The following TENM3 variants were observed in gnomAD, a reference collection of about 807,000 sequenced individuals.
TENM3 encodes teneurin transmembrane protein 3.
A neutral mutation model predicts 255.1 loss-of-function variants in TENM3; 63 were observed. The ratio of observed to expected loss-of-function variants is 0.25; its 90% CI spans 0.20 to 0.30. The LOEUF (loss-of-function observed/expected upper bound fraction) is 0.30, where lower values mean the gene tolerates loss of function less well. Ranked by LOEUF, TENM3 falls within the 10% of genes least tolerant of loss-of-function variation. TENM3 has a pLI of 1.00. For missense variants in TENM3, 2,929 were observed against 3,461.1 expected (o/e 0.85, Z 3.86); for synonymous variants, 1,306 against 1,322.3 (o/e 0.99, Z 0.27).
At chr4:182,424,868 G>A (rs1014670954) in intron 3 of TENM3, among the ~76,000 whole-genome samples, 2 of 151,996 alleles carry the variant, frequency 1.3e-5, no homozygotes, top group Non-Finnish European at 2.9e-5. Flanking sequence ...ATTTTTTGCT[G>A]GCATTATGAA....
At chr4:181,719,494 C>T in the TENM3 span, among the ~76,000 whole-genome samples, 1 of 152,172 alleles carries the variant, frequency 6.6e-6, no homozygotes, top group Non-Finnish European at 1.5e-5. Context: ...TGAAGGCTTT[C>T]TTCCTCATAG....
intron 11 of TENM3, 121 bp downstream of exon 11, chr4:182,682,135 G>C: frequency 1.3e-6 from 1 of 773,786 alleles, no homozygotes; most frequent in Non-Finnish European, 2.0e-6. Context: ...GATTCTTTAT[G>C]GAAATAAATA....
Position 182,688,303 on chromosome 4 carries a change from GGCAAGTGTGAATGCAGCCAGGGCTGGA to G in TENM3, c.2174_2200del (p.Gly725_Asn734delinsAsp), listed in dbSNP as rs1339326773. ...TGCCGAGCACGGGACCTGCAAGGAT[GGCAAGTGTGAATGCAGCCAGGGCTGGA>G]ATGGAGAGCACTGCACTATCGGTAG... is the stretch of plus-strand genomic sequence containing the variant. On this transcript the variant is annotated inframe_deletion, in exon 12 of 28. Transcript: ENST00000511685. 5 of 1,613,920 alleles carry G rather than the reference GGCAAGTGTGAATGCAGCCAGGGCTGGA, an allele frequency of 3.1e-6. No individual in the cohort carries two copies. The highest frequency in any genetic ancestry group is 4.2e-6 in the Non-Finnish European group (5 of 1,179,834).
At chr4:182,411,300 T>A (rs1769967778) in intron 3 of TENM3, among the ~76,000 whole-genome samples, 1 of 152,244 alleles carries the variant, frequency 6.6e-6, no homozygotes, top group African/African-American at 2.4e-5. Flanking sequence ...TAAAGGTATT[T>A]CATGGAGAGT....
the TENM3 span, among the ~76,000 whole-genome samples, chr4:181,591,231 T>G: frequency 6.6e-6 from 1 of 152,220 alleles, no homozygotes; most frequent in Non-Finnish European, 1.5e-5. Context: ...TACCAAGTGT[T>G]GGCAAGAATG....
At chr4:181,864,298 A>G in the TENM3 span, among the ~76,000 whole-genome samples, 135,352 of 152,082 alleles carry the variant, frequency 0.89, 60,847 homozygotes, top group Middle Eastern at 0.96. Flanking sequence ...TATACTTTGC[A>G]TTTGAGGGAT....
chr4:182,387,549 A>G (rs1267532298), intron 3 of TENM3, among the ~76,000 whole-genome samples: 2 of 152,068 alleles, frequency 1.3e-5, no homozygotes, highest in Non-Finnish European at 2.9e-5. Flanking sequence ...CTTCCACACT[A>G]AATTTTGCTA....
At chr4:181,472,833 C>T in the TENM3 span, among the ~76,000 whole-genome samples, 103,409 of 152,160 alleles carry the variant, frequency 0.68, 35,781 homozygotes, top group Non-Finnish European at 0.75. Flanking sequence ...TAGGAAGTTA[C>T]CTACACTCTT....
the TENM3 span, among the ~76,000 whole-genome samples, chr4:181,720,867 G>A: frequency 6.6e-6 from 1 of 152,108 alleles, no homozygotes; most frequent in South Asian, 2.1e-4. Flanking sequence ...TAATTCTGAA[G>A]GAAATCTCTC....
At chr4:182,217,547 C>T (rs1284046798) in intron 1 of TENM3, among the ~76,000 whole-genome samples, 2 of 152,056 alleles carry the variant, frequency 1.3e-5, no homozygotes, top group Non-Finnish European at 1.5e-5. Context: ...GGTGCTTGTT[C>T]GAGGTACTTT....
chr4:181,731,706 G>A, the TENM3 span, among the ~76,000 whole-genome samples: 4 of 152,072 alleles, frequency 2.6e-5, no homozygotes, highest in Non-Finnish European at 5.9e-5. Flanking sequence ...CTTTTGTCAC[G>A]TGGACTTTTT....
At chr4:182,320,065 A>T (rs926193475) in intron 1 of TENM3, among the ~76,000 whole-genome samples, 2 of 152,050 alleles carry the variant, frequency 1.3e-5, no homozygotes, top group African/African-American at 4.8e-5. Context: ...GTGAGCTGAG[A>T]TTGCACCAGT....
At chr4:181,621,380 T>G in the TENM3 span, among the ~76,000 whole-genome samples, 1 of 152,188 alleles carries the variant, frequency 6.6e-6, no homozygotes, top group Non-Finnish European at 1.5e-5. Context: ...AACTATATCT[T>G]TATTTGTTTT....
intron 3 of TENM3, among the ~76,000 whole-genome samples, chr4:182,457,689 T>G (rs1268532643): frequency 6.7e-6 from 1 of 150,294 alleles, no homozygotes; most frequent in Admixed American, 6.8e-5. Flanking sequence ...TTGCCAATGG[T>G]TGGGACCACA....
chr4:182,077,273 A>G, the TENM3 span, among the ~76,000 whole-genome samples: 77 of 152,170 alleles, frequency 5.1e-4, no homozygotes, highest in Non-Finnish European at 8.8e-4. Context: ...ACTTCAAATA[A>G]ATTATAAGCT....
intron 1 of TENM3, among the ~76,000 whole-genome samples, chr4:182,244,722 T>C (rs1054552399): frequency 5.3e-5 from 8 of 152,184 alleles, no homozygotes; most frequent in South Asian, 4.1e-4. Flanking sequence ...ATGTGTAACA[T>C]ATGGAAAGAA....
chr4:182,794,149 G>A (rs1478553470), intron 26 of TENM3, among the ~76,000 whole-genome samples: 1 of 152,098 alleles, frequency 6.6e-6, no homozygotes, highest in Non-Finnish European at 1.5e-5. Flanking sequence ...TTAAAGAAGG[G>A]GAACATGGGG....
chr4:181,921,634 G>A, the TENM3 span, among the ~76,000 whole-genome samples: 1 of 152,124 alleles, frequency 6.6e-6, no homozygotes, highest in South Asian at 2.1e-4. Flanking sequence ...GAGATTTTGG[G>A]CTGAGACAAT....
rs534365780 is a variant in TENM3 at position 182,633,982 on chromosome 4, C to CT, written c.988+5094dup. Among the ~76,000 whole-genome samples, 89 of 152,254 alleles carry CT rather than the reference C, an allele frequency of 5.8e-4. 1 individual carries two copies. Among genetic ancestry groups the CT allele is most frequent in the African/African-American group, 1.9e-3 (79 of 41,566 alleles). Reference sequence around the variant, plus strand: ...GCCTAGGAATCGCCTGGGGACCTTGCTAAGATGCACGTCCTGATTTAGCAG... The same window carrying CT: ...GCCTAGGAATCGCCTGGGGACCTTGCTTAAGATGCACGTCCTGATTTAGCAG... On this transcript the variant is annotated intron_variant, in intron 5 of 27. Coordinates refer to ENST00000511685, the MANE Select transcript of TENM3 (RefSeq NM_001080477.4).
Sources: allele counts gnomAD v4.1 joint callset (sites outside exome capture counted in the v4.1 genomes callset), GRCh38; gene constraint gnomAD v4.1.1; transcripts MANE v1.5; gene names NCBI Gene and HGNC (gene_info 2026-07-23, HGNC 2026-07-21).